The following UHRF1 variants were observed in gnomAD, a reference collection of about 807,000 sequenced individuals.
UHRF1 encodes ubiquitin like with PHD and ring finger domains 1.
UHRF1 carries 9 observed loss-of-function variants against 96.5 expected under a neutral mutation model. That is an observed-to-expected ratio of 0.09 (90% CI 0.06 to 0.16). The LOEUF (loss-of-function observed/expected upper bound fraction) is 0.16. Among genes scored for constraint, UHRF1 ranks in the 10% least tolerant of loss-of-function variants. The probability of loss-of-function intolerance (pLI) is 1.00; values close to 1 mark genes in which losing one functional copy is unlikely to be tolerated. For missense variants in UHRF1, 626 were observed against 1,131.1 expected (o/e 0.55, Z 6.40); for synonymous variants, 455 against 469.9 (o/e 0.97, Z 0.41).
chr19:4,928,913 GA>G (rs1408778562), intron 2 of UHRF1, among the ~76,000 whole-genome samples: 1 of 152,210 alleles, frequency 6.6e-6, no homozygotes, highest in African/African-American at 2.4e-5. Flanking sequence ...GAAGTATTAG[GA>G]AAAACTCCCA....
At chr19:4,952,612 C>T (rs1408659344) in intron 13 of UHRF1, among the ~76,000 whole-genome samples, 1 of 151,840 alleles carries the variant, frequency 6.6e-6, no homozygotes, top group East Asian at 1.9e-4. Flanking sequence ...AGGCTGGTGA[C>T]CTCAGGTGAT....
At chr19:4,931,211 G>A (rs920817543) in intron 4 of UHRF1, among the ~76,000 whole-genome samples, 7 of 152,172 alleles carry the variant, frequency 4.6e-5, no homozygotes, top group African/African-American at 2.4e-5. Flanking sequence ...CTTTGCACAA[G>A]TGTTTACTGG....
chr19:4,929,122 C>CA (rs1555748244), intron 2 of UHRF1, 100 bp from the exon 3 acceptor site: 24 of 1,439,178 alleles, frequency 1.7e-5, no homozygotes, highest in Admixed American at 1.7e-4. Context: ...GCCCCCCCCC[C>CA]ACAAGGGCTG....
In UHRF1 at chr19:4,917,652, C is replaced by CAAAA. The variant is rs754990585; in HGVS notation, c.153+6636_153+6639dup. On this transcript the variant is annotated intron_variant, in intron 2 of 16. Coordinates refer to ENST00000650932, the MANE Select transcript of UHRF1 (RefSeq NM_001048201.3). ...TTGGCAACAGAGCGAGACTCCGTCT[C>CAAAA]AAAAAAAAAAAAAAAAAAAAAAAAA... Among the ~76,000 whole-genome samples, 61 of 34,334 alleles carry CAAAA rather than the reference C, an allele frequency of 1.8e-3. 2 individuals are homozygous for CAAAA. Among genetic ancestry groups the CAAAA allele is most frequent in the South Asian group, 7.6e-3 (5 of 658 alleles). 22.5% of individuals were successfully genotyped at this position (34,334 alleles called of 152,430 possible).
At chr19:4,907,686 C>T (rs995522144), upstream of UHRF1, among the ~76,000 whole-genome samples, 1 of 148,344 alleles carries the variant, frequency 6.7e-6, no homozygotes, top group Non-Finnish European at 1.5e-5. Context: ...GCCCATCTTC[C>T]TTGCCTCTTG....
intron 10 of UHRF1, 62 bp downstream of exon 10, chr19:4,946,027 T>C: frequency 7.7e-7 from 1 of 1,304,026 alleles, no homozygotes; most frequent in Non-Finnish European, 1.1e-6. Context: ...GGTGGTAAAA[T>C]ACATAGAACA....
At position 4,932,738 on chromosome 19, in the gene UHRF1, C is replaced by T. The variant is rs988924796; in HGVS notation, c.570-3C>T. The stretch of plus-strand genomic sequence containing the variant: ...GGGTCTAAGGCCCGGGCTTTCCTCC[C>T]AGCTACCCGGAGAACGGCGTGGTCC... On this transcript the variant is annotated splice_polypyrimidine_tract_variant and splice_region_variant and intron_variant, in intron 4 of 16. Coordinates refer to ENST00000650932, the MANE Select transcript of UHRF1 (RefSeq NM_001048201.3). 1.2e-5 allele frequency: 19 copies of T among 1,613,394 alleles called. No homozygotes were observed. In the Admixed American group the frequency reaches 2.0e-4, roughly 17 times the overall value.
chr19:4,949,773 G>T (rs2033668064), intron 11 of UHRF1, among the ~76,000 whole-genome samples: 1 of 152,200 alleles, frequency 6.6e-6, no homozygotes, highest in Admixed American at 6.5e-5. Flanking sequence ...GGAGGCTGCA[G>T]TGAGTAAGGC....
In UHRF1 at chr19:4,932,844, C is replaced by A; in HGVS notation, c.673C>A (p.Leu225Ile). Residue 225 changes from leucine (L) to isoleucine (I), a missense_variant, in exon 5 of 17, where the codon CTC (leucine) becomes ATC (isoleucine). Around this residue, in one of 11 missense-constraint regions of UHRF1, gnomAD observed 198 missense variants for 235.1 expected, o/e 0.84. Coordinates refer to ENST00000650932, the MANE Select transcript of UHRF1 (RefSeq NM_001048201.3). ...CCTGGAGGTGGGCCAGGTGGTCATG[C>A]TCAACTACAACCCCGACAACCCCAA... ...QDLEVGQVVM[L>I]NYNPDNPKER... is the part of the protein sequence containing the mutation. 6.2e-7 allele frequency: 1 copy of A among 1,613,866 alleles called. No homozygotes were observed. Among genetic ancestry groups the A allele is most frequent in the Non-Finnish European group, 8.5e-7 (1 of 1,179,894 alleles).
intron 5 of UHRF1, among the ~76,000 whole-genome samples, chr19:4,937,199 G>A (rs1200239520): frequency 1.3e-5 from 2 of 151,076 alleles, no homozygotes; most frequent in Admixed American, 6.6e-5. Context: ...TTTTTTTCCC[G>A]ACTCTCCATA....
rs571834131 is a variant in UHRF1 at position 4,945,503 on chromosome 19, C to T, written c.1306-358C>T. Reference sequence around the variant, plus strand: ...TGAACTCCTGACCTCAAGTGATCCACCCACCTCGGCCCCCGAAAGTGCTGG... The same window carrying T: ...TGAACTCCTGACCTCAAGTGATCCATCCACCTCGGCCCCCGAAAGTGCTGG... On this transcript the variant is annotated intron_variant, in intron 9 of 16. Coordinates refer to ENST00000650932, the MANE Select transcript of UHRF1 (RefSeq NM_001048201.3). 7.0e-4 allele frequency among the ~76,000 whole-genome samples: 106 copies of T among 152,260 alleles called. 1 individual carries two copies. Among genetic ancestry groups the T allele is most frequent in the Non-Finnish European group, 1.4e-3 (97 of 68,016 alleles).
chr19:4,931,000 C>A lies in UHRF1; in HGVS notation c.569+124C>A. 1 of 1,327,902 alleles carries A rather than the reference C, an allele frequency of 7.5e-7. No individual in the cohort carries two copies. Among genetic ancestry groups the A allele is most frequent in the Non-Finnish European group, 1.0e-6 (1 of 959,642 alleles). 82.3% of individuals were successfully genotyped at this position (1,327,902 alleles called of 1,614,324 possible). A position where few individuals can be genotyped will look rare whatever the true frequency, so the allele number is the denominator to read the frequency against. On this transcript the variant is annotated intron_variant, in intron 4 of 16. Coordinates refer to ENST00000650932, the MANE Select transcript of UHRF1 (RefSeq NM_001048201.3). The surrounding 1 kb of genome is among the most constrained non-coding windows in gnomAD (Gnocchi z 4.4). ...GGTGATCAGGATCTGGGGCCCCATCCTCGAATTCCTAACAGCATACGAGGC... is the reference window on the plus strand; with the variant it reads ...GGTGATCAGGATCTGGGGCCCCATCATCGAATTCCTAACAGCATACGAGGC...
At chr19:4,924,163 T>G (rs1030796953) in intron 2 of UHRF1, among the ~76,000 whole-genome samples, 3 of 152,192 alleles carry the variant, frequency 2.0e-5, no homozygotes, top group Non-Finnish European at 4.4e-5. Context: ...TTTTTTTATT[T>G]TTTTGAGACG....
intron 16 of UHRF1, among the ~76,000 whole-genome samples, chr19:4,959,667 C>T (rs1443107955): frequency 6.6e-6 from 1 of 152,170 alleles, no homozygotes; most frequent in Non-Finnish European, 1.5e-5. Flanking sequence ...TTGGTTCCTT[C>T]CTCCTTTTCC....
At chr19:4,949,504 A>ACT (rs1555754253) in intron 11 of UHRF1, among the ~76,000 whole-genome samples, 8 of 147,270 alleles carry the variant, frequency 5.4e-5, no homozygotes, top group Admixed American at 1.4e-4. Context: ...ACACACACAC[A>ACT]CTCTCACAAA....
chr19:4,941,691 C>A, intron 6 of UHRF1, 54 bp from the exon 7 acceptor site: 1 of 1,570,414 alleles, frequency 6.4e-7, no homozygotes, highest in South Asian at 1.2e-5. Context: ...GCTCTTGTCC[C>A]GTCTCTGGCT....
Position 4,960,736 on chromosome 19 carries a change from T to C in UHRF1, c.2315T>C (p.Met772Thr), listed in dbSNP as rs1319716085. The change falls in exon 17 of 17, where the codon ATG (methionine) becomes ACG (threonine). Residue 772 changes from methionine to threonine, a missense_variant. Met to Thr is a moderately conservative substitution (Grantham distance 81). This residue lies in a region of UHRF1 where 84 missense variants were observed against 150.3 expected (regional missense o/e 0.56). Transcript: ENST00000650932. ...TACGACCTGGGCCGCAGCTATGCCA[T>C]GCAGGTGAACCAGCCTCTGCAGACC... ...CRYDLGRSYAMQVNQPLQTVL... is the reference protein window; with the variant it reads ...CRYDLGRSYATQVNQPLQTVL... 6.4e-7 allele frequency: 1 copy of C among 1,570,138 alleles called. No individual in the cohort carries two copies. The highest frequency in any genetic ancestry group is 8.6e-7 in the Non-Finnish European group (1 of 1,158,324).
In UHRF1 at chr19:4,950,755, C is replaced by T. The variant is rs372993380; in HGVS notation, c.1662C>T (p.Arg554=). The stretch of plus-strand genomic sequence containing the variant: ...AGTACGCCCCCGCTGAGGGCAACCG[C>T]TACGATGGCATCTACAAGGTGAGTG... ...NSKYAPAEGN[R]YDGIYKVVKY... is the part of the protein sequence containing the mutation. Residue 554 remains arginine (R), a synonymous_variant, in exon 12 of 17, where the codon CGC becomes CGT. Transcript: ENST00000650932. 4.3e-6 allele frequency: 7 copies of T among 1,611,712 alleles called. No individual in the cohort carries two copies. Among genetic ancestry groups the T allele is most frequent in the East Asian group, 2.2e-5 (1 of 44,870 alleles).
chr19:4,915,468 C>G (rs964411421), intron 2 of UHRF1, among the ~76,000 whole-genome samples: 1 of 152,194 alleles, frequency 6.6e-6, no homozygotes, highest in Admixed American at 6.6e-5. Flanking sequence ...AATCCCGGTG[C>G]TTTGGGAGGC....
Sources: gnomAD v4.1 joint callset for allele counts (sites outside exome capture counted in the v4.1 genomes callset) on GRCh38, gnomAD v4.1.1 for gene constraint, gnomAD v4.1.1 regional missense constraint, Gnocchi (gnomAD v3.1) non-coding constraint, MANE v1.5 for transcripts, NCBI Gene and HGNC (gene_info 2026-07-23, HGNC 2026-07-21) for gene names.